TPO: variants seen among roughly 807,000 people sequenced by gnomAD.
The protein encoded by TPO is thyroid microsomal antigen.
In TPO, 78 loss-of-function variants were observed where a neutral mutation model predicts 96.9. The ratio of observed to expected loss-of-function variants is 0.81; its 90% CI spans 0.67 to 0.97. The LOEUF (loss-of-function observed/expected upper bound fraction) is 0.97, where lower values mean the gene tolerates loss of function less well. TPO is among the 50% of genes least tolerant of loss of function. TPO has a pLI of 0.00. For synonymous variants in TPO, 547 were observed against 538.0 expected (o/e 1.02, Z -0.23); for missense variants, 1,252 against 1,274.8 (o/e 0.98, Z 0.27).
intron 7 of TPO, among the ~76,000 whole-genome samples, chr2:1,471,493 T>C (rs1669411383): frequency 6.6e-6 from 1 of 151,484 alleles, no homozygotes; most frequent in African/African-American, 2.4e-5. Context: ...TAATTCAAAA[T>C]AGGTTTTAAT....
intron 13 of TPO, among the ~76,000 whole-genome samples, chr2:1,498,272 C>T (rs1180775051): frequency 6.6e-6 from 1 of 152,196 alleles, no homozygotes; most frequent in African/African-American, 2.4e-5. Context: ...GGACTCAGTG[C>T]TGTGGCAGGG....
At chr2:1,447,097 T>C (rs1666899667) in intron 5 of TPO, among the ~76,000 whole-genome samples, 1 of 152,166 alleles carries the variant, frequency 6.6e-6, no homozygotes, top group African/African-American at 2.4e-5. Flanking sequence ...AAAGCTAACC[T>C]GAAAAACTAA....
intron 2 of TPO, among the ~76,000 whole-genome samples, chr2:1,416,537 A>G (rs1662976906): frequency 6.6e-6 from 1 of 152,230 alleles, no homozygotes; most frequent in South Asian, 2.1e-4. Context: ...TTATTTTTCC[A>G]TATCTGGGAG....
intron 15 of TPO, among the ~76,000 whole-genome samples, chr2:1,524,270 CTCCT>C (rs1675903409): frequency 6.8e-6 from 1 of 146,652 alleles, no homozygotes; most frequent in African/African-American, 2.5e-5. Flanking sequence ...CTCCTCAAAT[CTCCT>C]CACAGTGAGC....
chr2:1,542,240 C>G, intron 16 of TPO, 181 bp from the exon 17 acceptor site: 1 of 806,950 alleles, frequency 1.2e-6, no homozygotes, highest in Non-Finnish European at 2.0e-6. Flanking sequence ...TGCAAACAAG[C>G]ATTTGTCCGG....
chr2:1,524,824 C>T (rs147345599), intron 15 of TPO, among the ~76,000 whole-genome samples: 1,430 of 139,792 alleles, frequency 0.01, 86 homozygotes, highest in African/African-American at 0.036. Context: ...GCCACTTCCC[C>T]AAATCCCCAC....
chr2:1,523,310 AGCAACCTCCCCAAATCCCCCCACTGTG>A (rs1558401981), intron 15 of TPO, among the ~76,000 whole-genome samples: 129 of 3,726 alleles, frequency 0.035, 2 homozygotes, highest in African/African-American at 0.18. Context: ...CCCCACTGTG[AGCAACCTCCCCAAATCCCCCCACTGTG>A]TGCAACTTCC....
At chr2:1,391,204 G>A (rs926503611) in intron 1 of TPO, among the ~76,000 whole-genome samples, 9 of 152,126 alleles carry the variant, frequency 5.9e-5, no homozygotes, top group Non-Finnish European at 8.8e-5. Flanking sequence ...AATTAATTTT[G>A]TATAAGATGT....
chr2:1,462,567 A>G (rs1668548722), intron 7 of TPO, among the ~76,000 whole-genome samples: 1 of 147,976 alleles, frequency 6.8e-6, no homozygotes, highest in African/African-American at 2.7e-5. Flanking sequence ...ATAAATGAAC[A>G]GCAAGATGCT....
rs1429443348 is a variant in TPO at position 1,505,838 on chromosome 2, T to C, written c.2518+1759T>C. On this transcript the variant is annotated intron_variant, in intron 14 of 16. Transcript: ENST00000329066. ...GGTTGCGGAGAAATTCTTGTGGCTT[T>C]CTTTTTGGCAGTTTTTTTTTTTTTA... Among the ~76,000 whole-genome samples, 4 of 121,788 alleles carry C rather than the reference T, an allele frequency of 3.3e-5. No individual in the cohort carries two copies. The East Asian group carries it at 7.0e-4, about 21-fold the overall frequency. 79.9% of individuals were successfully genotyped at this position (121,788 alleles called of 152,430 possible).
intron 1 of TPO, among the ~76,000 whole-genome samples, chr2:1,382,690 G>A (rs946682801): frequency 6.6e-6 from 1 of 152,022 alleles, no homozygotes; most frequent in Admixed American, 6.6e-5. Context: ...GGACTACATA[G>A]ATATGTAAAG....
intron 15 of TPO, among the ~76,000 whole-genome samples, chr2:1,522,005 C>T (rs1675324048): frequency 1.3e-5 from 2 of 152,044 alleles, no homozygotes; most frequent in African/African-American, 4.8e-5. Flanking sequence ...GCCCCACTTT[C>T]TTCACCCACT....
At chr2:1,524,215 AC>A (rs1675880259) in intron 15 of TPO, among the ~76,000 whole-genome samples, 1 of 37,584 alleles carries the variant, frequency 2.7e-5, no homozygotes, top group Non-Finnish European at 5.4e-5. Context: ...CCTCAAATCC[AC>A]CCCACTGTGT....
chr2:1,404,486 A>C (rs950488575), intron 1 of TPO, among the ~76,000 whole-genome samples: 1 of 152,198 alleles, frequency 6.6e-6, no homozygotes, highest in African/African-American at 2.4e-5. Flanking sequence ...CAAAGAGGTA[A>C]TTAAGTTAAA....
At chr2:1,387,504 G>T (rs1214411501) in intron 1 of TPO, among the ~76,000 whole-genome samples, 1 of 151,948 alleles carries the variant, frequency 6.6e-6, no homozygotes, top group African/African-American at 2.4e-5. Flanking sequence ...TGATCGAATT[G>T]GCTACTGAAG....
At position 1,542,937 on chromosome 2, in the gene TPO, C is replaced by T; in HGVS notation, c.*463C>T. ...TGGGAAGAGCACTCCTGGCTTCCTG[C>T]AGGGCCGGTGGGAGGAGGAAAGTGA... On this transcript the variant is annotated 3_prime_UTR_variant, in exon 17 of 17. Coordinates refer to ENST00000329066, the MANE Select transcript of TPO (RefSeq NM_001206744.2). 1 of 245,890 alleles carries T rather than the reference C, an allele frequency of 4.1e-6. No homozygotes were observed. The highest frequency in any genetic ancestry group is 8.0e-6 in the Non-Finnish European group (1 of 124,784). The allele number at this position is 245,890 out of a possible 1,614,324, so 15.2% of individuals were successfully genotyped here. A position where few individuals can be genotyped will look rare whatever the true frequency, so the allele number is the denominator to read the frequency against.
intron 15 of TPO, among the ~76,000 whole-genome samples, chr2:1,529,924 C>T (rs371950902): frequency 7.7e-6 from 1 of 129,556 alleles, no homozygotes; most frequent in East Asian, 2.7e-4. Flanking sequence ...CCAAACCCCC[C>T]CCTTGCAGCC....
chr2:1,477,523 G>C lies in TPO; in HGVS notation c.1257G>C (p.Ala419=). 1.3e-6 allele frequency: 2 copies of C among 1,532,952 alleles called. No homozygotes were observed. Among genetic ancestry groups the C allele is most frequent in the Non-Finnish European group, 1.7e-6 (2 of 1,145,050 alleles). 95.0% of individuals were successfully genotyped at this position (1,532,952 alleles called of 1,614,324 possible). A position where few individuals can be genotyped will look rare whatever the true frequency, so the allele number is the denominator to read the frequency against. ...TGCGCGAGCACAACCGCCTGGCCGC[G>C]GCGCTCAAGGCCCTCAATGCGCACT... The part of the protein sequence containing the change: ...LWLREHNRLA[A]ALKALNAHWS... The change falls in exon 8 of 17, where the codon GCG becomes GCC. Residue 419 remains alanine, a synonymous_variant. Coordinates refer to ENST00000329066, the MANE Select transcript of TPO (RefSeq NM_001206744.2).
At chr2:1,519,676 G>A (rs1294941285) in intron 15 of TPO, among the ~76,000 whole-genome samples, 2 of 152,164 alleles carry the variant, frequency 1.3e-5, no homozygotes, top group Non-Finnish European at 2.9e-5. Flanking sequence ...TGAATAGGCT[G>A]TAAGCAAATA....
Sources: gnomAD v4.1 joint callset for allele counts (sites outside exome capture counted in the v4.1 genomes callset) on GRCh38, gnomAD v4.1.1 for gene constraint, MANE v1.5 for transcripts, NCBI Gene and HGNC (gene_info 2026-07-23, HGNC 2026-07-21) for gene names.